Variants in CD38 observed in about 807,000 individuals in gnomAD.
CD38 encodes CD38 molecule.
A neutral mutation model predicts 36.3 loss-of-function variants in CD38; 31 were observed. The ratio of observed to expected loss-of-function variants is 0.85; its 90% CI spans 0.64 to 1.15. The LOEUF (loss-of-function observed/expected upper bound fraction) is 1.15. Ranked by LOEUF, CD38 falls within the 50% of genes most tolerant of loss-of-function variation. The pLI is 0.00. For missense variants in CD38, 380 were observed against 371.9 expected, an observed-to-expected ratio of 1.02 and a Z score of -0.18; for synonymous variants, 131 against 135.2, an observed-to-expected ratio of 0.97 and a Z score of 0.22.
chr4:15,811,093 A>G (rs754411107), intron 1 of CD38, among the ~76,000 whole-genome samples: 114 of 152,308 alleles, frequency 7.5e-4, no homozygotes, highest in Non-Finnish European at 1.4e-3. Context: ...TGTGTATAAA[A>G]TTATTGGCCC....
intron 1 of CD38, among the ~76,000 whole-genome samples, chr4:15,816,272 G>A (rs1346063357): frequency 6.6e-6 from 1 of 152,064 alleles, no homozygotes; most frequent in Non-Finnish European, 1.5e-5. Flanking sequence ...GATGATATTG[G>A]CCTCATAAAA....
chr4:15,839,415 C>CTTTTTTTTTT (rs560134404), intron 5 of CD38, among the ~76,000 whole-genome samples: 5 of 88,068 alleles, frequency 5.7e-5, no homozygotes, highest in African/African-American at 2.0e-4. Flanking sequence ...TTCTACATTT[C>CTTTTTTTTTT]TTTTTTTTTT....
At chr4:15,836,982 C>G (rs1322466240) in intron 4 of CD38, among the ~76,000 whole-genome samples, 1 of 152,202 alleles carries the variant, frequency 6.6e-6, no homozygotes, top group Non-Finnish European at 1.5e-5. Context: ...CCAAAATCCA[C>G]CCACTTCAAA....
chr4:15,810,868 T>C (rs1723454240), intron 1 of CD38, among the ~76,000 whole-genome samples: 2 of 152,338 alleles, frequency 1.3e-5, no homozygotes, highest in South Asian at 2.1e-4. Context: ...TAATTACACC[T>C]GCAACTGTTC....
At chr4:15,829,915 C>T (rs1171105229) in intron 3 of CD38, among the ~76,000 whole-genome samples, 1 of 152,148 alleles carries the variant, frequency 6.6e-6, no homozygotes, top group Admixed American at 6.5e-5. Flanking sequence ...TTGCAAATGA[C>T]AGGAACACAT....
intron 1 of CD38, among the ~76,000 whole-genome samples, chr4:15,793,168 T>C (rs1427813440): frequency 6.6e-6 from 1 of 152,090 alleles, no homozygotes; most frequent in Non-Finnish European, 1.5e-5. Flanking sequence ...CCCTTGAGTC[T>C]GTACACACTG....
At chr4:15,788,770 A>G (rs1722894797) in intron 1 of CD38, among the ~76,000 whole-genome samples, 2 of 152,254 alleles carry the variant, frequency 1.3e-5, no homozygotes, top group African/African-American at 2.4e-5. Context: ...ATGCAGAATC[A>G]ACACACATCA....
chr4:15,808,998 G>C (rs917343829), intron 1 of CD38, among the ~76,000 whole-genome samples: 2 of 152,158 alleles, frequency 1.3e-5, no homozygotes, highest in African/African-American at 2.4e-5. Flanking sequence ...ATTCTGGCTG[G>C]GATATTCTAG....
intron 1 of CD38, among the ~76,000 whole-genome samples, chr4:15,803,669 G>A (rs2148919079): frequency 6.6e-6 from 1 of 152,260 alleles, no homozygotes; most frequent in African/African-American, 2.4e-5. Context: ...AAACATTTCA[G>A]CTTTTACTTT....
At chr4:15,821,303 T>C (rs1308478902) in intron 2 of CD38, among the ~76,000 whole-genome samples, 3 of 148,354 alleles carry the variant, frequency 2.0e-5, no homozygotes, top group Non-Finnish European at 4.5e-5. Context: ...AGAAAACAAA[T>C]CCCAAAGCTA....
intron 1 of CD38, among the ~76,000 whole-genome samples, chr4:15,792,458 G>GAAAAAAAAAAAAAAAAA (rs1249314137): frequency 7.7e-6 from 1 of 129,196 alleles, no homozygotes; most frequent in African/African-American, 3.2e-5. Flanking sequence ...AATGAATCAA[G>GAAAAAAAAAAAAAAAAA]AAAAAAAAAG....
In CD38 at chr4:15,825,147, T is replaced by C. The variant is rs1285340059; in HGVS notation, c.499+131T>C. 1.9e-5 allele frequency: 15 copies of C among 786,126 alleles called. No individual in the cohort carries two copies. The East Asian group carries it at 2.2e-4, about 11-fold the overall frequency. 48.7% of individuals were successfully genotyped at this position (786,126 alleles called of 1,614,324 possible). A position where few individuals can be genotyped will look rare whatever the true frequency, so the allele number is the denominator to read the frequency against. On this transcript the variant is annotated intron_variant, in intron 3 of 7. Coordinates refer to ENST00000226279, the MANE Select transcript of CD38 (RefSeq NM_001775.4). ...CCCATCCTGATGCCATCTATACTTA[T>C]ATTAGTCCATTTGTGTTGCTATTAA... is the stretch of plus-strand genomic sequence containing the variant.
chr4:15,838,698 T>C (rs1302878424), intron 5 of CD38, among the ~76,000 whole-genome samples: 1 of 152,214 alleles, frequency 6.6e-6, no homozygotes, highest in Non-Finnish European at 1.5e-5. Flanking sequence ...GTCAACAATG[T>C]ACTGTAGTGG....
At chr4:15,835,539 G>A (rs1436689064) in intron 4 of CD38, among the ~76,000 whole-genome samples, 4 of 151,716 alleles carry the variant, frequency 2.6e-5, no homozygotes, top group African/African-American at 9.7e-5. Flanking sequence ...CACTATGCCC[G>A]GCTAATTTTT....
chr4:15,778,677 G>T lies in CD38; in HGVS notation c.233+30G>T, dbSNP rs1199002316. On this transcript the variant is annotated intron_variant, in intron 1 of 7. Coordinates refer to ENST00000226279, the MANE Select transcript of CD38 (RefSeq NM_001775.4). The surrounding 1 kb of genome is among the most constrained non-coding windows in gnomAD (Gnocchi z 4.9). ...GTTGGCGACTAAGGCGCACCGGTGG[G>T]CACTGCGGGGACAGCAGGGCCCCGC... 6.7e-7 allele frequency: 1 copy of T among 1,486,410 alleles called. No homozygotes were observed. Among genetic ancestry groups the T allele is most frequent in the Admixed American group, 1.7e-5 (1 of 59,096 alleles). 92.1% of individuals were successfully genotyped at this position (1,486,410 alleles called of 1,614,324 possible). A position where few individuals can be genotyped will look rare whatever the true frequency, so the allele number is the denominator to read the frequency against.
At chr4:15,824,824 A>ATT in intron 2 of CD38, 57 bp from the exon 3 acceptor site, 1 of 1,417,066 alleles carries the variant, frequency 7.1e-7, no homozygotes, top group Non-Finnish European at 9.8e-7. Context: ...CTGTGGATTA[A>ATT]TTTTTTTTGA....
chr4:15,798,702 G>A (rs1474596106), intron 1 of CD38, among the ~76,000 whole-genome samples: 1 of 152,142 alleles, frequency 6.6e-6, no homozygotes, highest in African/African-American at 2.4e-5. Flanking sequence ...TCACAAAATT[G>A]GTGTAAAGTC....
At chr4:15,784,259 T>C (rs1357921703) in intron 1 of CD38, among the ~76,000 whole-genome samples, 1 of 152,190 alleles carries the variant, frequency 6.6e-6, no homozygotes, top group Non-Finnish European at 1.5e-5. Context: ...GCCATGGAGA[T>C]GCAGACGTGC....
chr4:15,784,198 CA>C (rs1192995817), intron 1 of CD38, among the ~76,000 whole-genome samples: 1 of 152,196 alleles, frequency 6.6e-6, no homozygotes, highest in Non-Finnish European at 1.5e-5. Flanking sequence ...CCCTATCAAA[CA>C]AGAAAGACTA....
Sources: allele counts gnomAD v4.1 joint callset (sites outside exome capture counted in the v4.1 genomes callset), GRCh38; gene constraint gnomAD v4.1.1; non-coding constraint Gnocchi (gnomAD v3.1); transcripts MANE v1.5; gene names NCBI Gene and HGNC (gene_info 2026-07-23, HGNC 2026-07-21).